The following STAG1 variants were observed in gnomAD, a reference collection of about 807,000 sequenced individuals.
STAG1 encodes STAG1 cohesin complex component.
In STAG1, 26 loss-of-function variants were observed where a neutral mutation model predicts 170.9. The observed-to-expected ratio is 0.15, with a 90% CI of 0.11 to 0.21. The LOEUF (loss-of-function observed/expected upper bound fraction) is 0.21. STAG1 is among the 10% of genes least tolerant of loss of function. The probability of loss-of-function intolerance (pLI) is 1.00; values close to 1 mark genes in which losing one functional copy is unlikely to be tolerated. For missense variants in STAG1, 964 were observed against 1,509.5 expected, an observed-to-expected ratio of 0.64 and a Z score of 5.99; for synonymous variants, 514 against 497.7, an observed-to-expected ratio of 1.03 and a Z score of -0.44.
chr3:136,542,289 C>A, intron 5 of STAG1, 94 bp from the exon 6 acceptor site: 1 of 884,292 alleles, frequency 1.1e-6, no homozygotes, highest in Non-Finnish European at 1.8e-6. Flanking sequence ...GTGAGAATCC[C>A]AAAAGAATAA....
intron 1 of STAG1, among the ~76,000 whole-genome samples, chr3:136,720,681 C>T (rs1164237922): frequency 6.6e-6 from 1 of 151,866 alleles, no homozygotes; most frequent in Admixed American, 6.6e-5. Flanking sequence ...TCCTGCTACT[C>T]GGGAGGTTGA....
At chr3:136,632,199 A>C (rs1940358683) in intron 1 of STAG1, among the ~76,000 whole-genome samples, 1 of 152,226 alleles carries the variant, frequency 6.6e-6, no homozygotes, top group African/African-American at 2.4e-5. Context: ...TACCATGGGA[A>C]ATCGATGAGT....
chr3:136,614,044 G>A (rs959637953), intron 3 of STAG1, among the ~76,000 whole-genome samples: 1 of 151,950 alleles, frequency 6.6e-6, no homozygotes, highest in African/African-American at 2.4e-5. Context: ...GTGAAACCCC[G>A]TCTACACTAA....
At chr3:136,542,684 AAG>A (rs1356122732) in intron 5 of STAG1, among the ~76,000 whole-genome samples, 2 of 151,692 alleles carry the variant, frequency 1.3e-5, no homozygotes, top group African/African-American at 2.4e-5. Context: ...AAAAAAAAAA[AAG>A]GAAAGAAAGC....
At chr3:136,614,000 A>G (rs1421804191) in intron 3 of STAG1, among the ~76,000 whole-genome samples, 1 of 151,952 alleles carries the variant, frequency 6.6e-6, no homozygotes, top group Admixed American at 6.6e-5. Flanking sequence ...GGATTAGCTG[A>G]GGTCAGGAGT....
chr3:136,385,797 G>A (rs1217853460), intron 22 of STAG1, among the ~76,000 whole-genome samples: 11 of 152,068 alleles, frequency 7.2e-5, no homozygotes, highest in Admixed American at 7.2e-4. Flanking sequence ...GAACTCCTGG[G>A]CTCAAGTGAT....
chr3:136,412,650 T>C (rs2087657112), intron 21 of STAG1, among the ~76,000 whole-genome samples: 1 of 152,118 alleles, frequency 6.6e-6, no homozygotes, highest in Admixed American at 6.6e-5. Context: ...GAAACTAAAA[T>C]TTAAACATGC....
intron 1 of STAG1, among the ~76,000 whole-genome samples, chr3:136,638,674 G>A (rs912621718): frequency 2.0e-5 from 3 of 151,964 alleles, no homozygotes; most frequent in Non-Finnish European, 2.9e-5. Flanking sequence ...AGGCCTAGGC[G>A]GACAGATCAC....
chr3:136,596,515 G>A (rs1269383581), intron 4 of STAG1, among the ~76,000 whole-genome samples: 1 of 151,904 alleles, frequency 6.6e-6, no homozygotes, highest in Non-Finnish European at 1.5e-5. Flanking sequence ...TGACTCACTG[G>A]AACCAAACCC....
chr3:136,461,498 A>C (rs966512072), intron 13 of STAG1, among the ~76,000 whole-genome samples: 1 of 152,168 alleles, frequency 6.6e-6, no homozygotes, highest in Non-Finnish European at 1.5e-5. Context: ...CAACATAAAA[A>C]TCAGTAGCAT....
At chr3:136,501,764 GTTA>G (rs1182120222) in intron 8 of STAG1, among the ~76,000 whole-genome samples, 1 of 152,058 alleles carries the variant, frequency 6.6e-6, no homozygotes, top group East Asian at 1.9e-4. Context: ...AACCCATTAA[GTTA>G]TTATTCATAC....
chr3:136,470,384 A>G (rs1370654819), intron 12 of STAG1, among the ~76,000 whole-genome samples: 2 of 152,256 alleles, frequency 1.3e-5, no homozygotes, highest in Non-Finnish European at 2.9e-5. Context: ...CACGTGAAAT[A>G]ATGCTCATCA....
At chr3:136,421,229 G>A in intron 19 of STAG1, 66 bp from the exon 20 acceptor site, 1 of 978,808 alleles carries the variant, frequency 1.0e-6, no homozygotes. Flanking sequence ...ACTACTTATT[G>A]CCTAAATAAA....
intron 1 of STAG1, among the ~76,000 whole-genome samples, chr3:136,734,060 T>C (rs1447530144): frequency 1.3e-5 from 2 of 151,004 alleles, no homozygotes; most frequent in South Asian, 2.1e-4. Context: ...TGAGCCAAGA[T>C]TGTGCCACTG....
chr3:136,436,432 C>T (rs779410483), intron 15 of STAG1, among the ~76,000 whole-genome samples: 1 of 151,950 alleles, frequency 6.6e-6, no homozygotes, highest in Admixed American at 6.6e-5. Flanking sequence ...CAGGCATGTA[C>T]CACCACGCCC....
intron 13 of STAG1, among the ~76,000 whole-genome samples, chr3:136,453,613 T>G (rs2107779392): frequency 6.7e-6 from 1 of 149,538 alleles, no homozygotes; most frequent in Non-Finnish European, 1.5e-5. Flanking sequence ...AAAAAATTGC[T>G]AAAGGTATCT....
intron 1 of STAG1, among the ~76,000 whole-genome samples, chr3:136,702,144 A>C (rs1943099751): frequency 1.0e-5 from 1 of 97,356 alleles, no homozygotes; most frequent in South Asian, 2.8e-4. Context: ...AGAGACAGAG[A>C]GACAGAGAGA....
chr3:136,605,784 C>T (rs979581024), intron 3 of STAG1, among the ~76,000 whole-genome samples: 2 of 152,136 alleles, frequency 1.3e-5, no homozygotes, highest in African/African-American at 4.8e-5. Context: ...ACCCTGTAAA[C>T]ATTTATCTTT....
At chr3:136,464,371 C>G (rs986606790) in intron 13 of STAG1, among the ~76,000 whole-genome samples, 2 of 151,084 alleles carry the variant, frequency 1.3e-5, no homozygotes, top group African/African-American at 2.4e-5. Context: ...TGTGGTGAGT[C>G]GAGACTGCAC....
Sources: gnomAD v4.1 joint callset for allele counts (sites outside exome capture counted in the v4.1 genomes callset) on GRCh38, gnomAD v4.1.1 for gene constraint, MANE v1.5 for transcripts, NCBI Gene and HGNC (gene_info 2026-07-23, HGNC 2026-07-21) for gene names.